Variants in LFNG observed in about 807,000 individuals in gnomAD.
The protein encoded by LFNG is LFNG O-fucosylpeptide 3-beta-N-acetylglucosaminyltransferase.
LFNG carries 15 observed loss-of-function variants against 32.7 expected under a neutral mutation model. That is an observed-to-expected ratio of 0.46 (90% CI 0.31 to 0.71). LFNG has a LOEUF of 0.71. LFNG is among the 30% of genes least tolerant of loss of function. The pLI, the probability that LFNG is intolerant of heterozygous loss-of-function variation, is 0.06. For synonymous variants in LFNG, 274 were observed against 246.8 expected (o/e 1.11, Z -1.03); for missense variants, 520 against 545.7 (o/e 0.95, Z 0.47).
Position 2,528,352 on chromosome 7 carries a change from G to A in LFNG, c.*1140G>A. 2.0e-6 allele frequency: 2 copies of A among 986,228 alleles called. No homozygotes were observed. The highest frequency in any genetic ancestry group is 2.4e-6 in the Non-Finnish European group (2 of 830,068). The allele number at this position is 986,228 out of a possible 1,614,324, so 61.1% of individuals were successfully genotyped here. ...ATAGCTAGGAAAGCGAATGATAAGG[G>A]AAAAGTTCTCAGGGAATTGAAGTGT... On this transcript the variant is annotated 3_prime_UTR_variant, in exon 8 of 8. Coordinates refer to ENST00000222725, the MANE Select transcript of LFNG (RefSeq NM_001040167.2).
At chr7:2,516,599 G>T (rs894463901), upstream of LFNG, among the ~76,000 whole-genome samples, 1 of 152,232 alleles carries the variant, frequency 6.6e-6, no homozygotes, top group African/African-American at 2.4e-5. Flanking sequence ...GCCTGATGGC[G>T]GCTAGAGGAG....
rs994017400 is a variant in LFNG at position 2,526,051 on chromosome 7, C to T, written c.822-193C>T. Reference sequence around the variant, plus strand: ...GCACCCAGATTCCCTCCACAGAGAGCCACGGAGCACAGGAGCTGTGCAGGG... The same window carrying T: ...GCACCCAGATTCCCTCCACAGAGAGTCACGGAGCACAGGAGCTGTGCAGGG... On this transcript the variant is annotated intron_variant, in intron 5 of 7. Coordinates refer to ENST00000222725, the MANE Select transcript of LFNG (RefSeq NM_001040167.2). This position sits in a 1 kb window ranked among gnomAD's most constrained non-coding sequence, Gnocchi z 6.9. Among the ~76,000 whole-genome samples the T allele has an allele frequency of 3.3e-5, 5 of 152,130 alleles. No homozygotes were observed. Among genetic ancestry groups the T allele is most frequent in the South Asian group, 4.1e-4 (2 of 4,832 alleles).
chr7:2,512,587 C>A, exon 1 of LFNG: 1 of 1,432,086 alleles, frequency 7.0e-7, no homozygotes, highest in Non-Finnish European at 9.8e-7. Flanking sequence ...GGACAGAGGC[C>A]AAGGCGGCTC....
At chr7:2,513,054 C>T, upstream of LFNG, 1 of 1,128,282 alleles carries the variant, frequency 8.9e-7, no homozygotes, top group Non-Finnish European at 1.3e-6. Flanking sequence ...TGCCTCCCAG[C>T]CCCAGCCCAC....
Position 2,526,418 on chromosome 7 carries a change from T to C in LFNG, c.987+9T>C, listed in dbSNP as rs771294161. 1.9e-6 allele frequency: 3 copies of C among 1,605,054 alleles called. No individual in the cohort carries two copies. The highest frequency in any genetic ancestry group is 2.5e-6 in the Non-Finnish European group (3 of 1,179,782). The stretch of plus-strand genomic sequence containing the variant: ...CGGAGCTCCACGAGCAGGTGCACCA[T>C]CCTCCGGGCCCCGCCAGGACTCCGA... On this transcript the variant is annotated intron_variant, in intron 6 of 7. Coordinates refer to ENST00000222725, the MANE Select transcript of LFNG (RefSeq NM_001040167.2). This position sits in a 1 kb window ranked among gnomAD's most constrained non-coding sequence, Gnocchi z 6.9.
upstream of LFNG, chr7:2,518,531 C>T (rs1779686794): frequency 8.0e-7 from 1 of 1,242,724 alleles, no homozygotes; most frequent in Middle Eastern, 1.9e-4. Context: ...CCTACTATGT[C>T]CCAAAACCTG....
chr7:2,525,877 T>C, intron 5 of LFNG, 107 bp downstream of exon 5: 1 of 953,714 alleles, frequency 1.0e-6, no homozygotes. Flanking sequence ...GCCTCCTGTG[T>C]GGCACTGCCC....
In LFNG at chr7:2,526,033, G is replaced by C. The variant is rs889902010; in HGVS notation, c.822-211G>C. Among the ~76,000 whole-genome samples the C allele has an allele frequency of 3.9e-5, 6 of 152,042 alleles. No homozygotes were observed. The highest frequency in any genetic ancestry group is 5.9e-5 in the Non-Finnish European group (4 of 67,970). ...CCGGCAGGACTCTTCCCTGCACCCA[G>C]ATTCCCTCCACAGAGAGCCACGGAG... On this transcript the variant is annotated intron_variant, in intron 5 of 7. Coordinates refer to ENST00000222725, the MANE Select transcript of LFNG (RefSeq NM_001040167.2). The surrounding 1 kb of genome is among the most constrained non-coding windows in gnomAD (Gnocchi z 6.9).
At chr7:2,518,392 C>A (rs1779681676), upstream of LFNG, among the ~76,000 whole-genome samples, 1 of 152,200 alleles carries the variant, frequency 6.6e-6, no homozygotes. Context: ...CCCCACACCA[C>A]CCAGCGGGTA....
At chr7:2,521,792 C>A (rs933495791) in intron 1 of LFNG, among the ~76,000 whole-genome samples, 1 of 152,226 alleles carries the variant, frequency 6.6e-6, no homozygotes, top group African/African-American at 2.4e-5. Context: ...CTCAGACCCT[C>A]ACTCTGATCT....
rs1780058846 is a variant in LFNG at position 2,528,283 on chromosome 7, G to A, written c.*1071G>A. On this transcript the variant is annotated 3_prime_UTR_variant, in exon 8 of 8. Transcript: ENST00000222725. ...CCGCTGGGCCCAGCATGGCTCACCT[G>A]TCCCGTGGGCTGTGTTTCTTGTTGT... The A allele has an allele frequency of 1.0e-6, 1 of 986,144 alleles. No homozygotes were observed. Among genetic ancestry groups the A allele is most frequent in the Non-Finnish European group, 1.2e-6 (1 of 830,022 alleles). The allele number at this position is 986,144 out of a possible 1,614,324, so 61.1% of individuals were successfully genotyped here. A position where few individuals can be genotyped will look rare whatever the true frequency, so the allele number is the denominator to read the frequency against.
In LFNG at chr7:2,527,517, G is replaced by C; in HGVS notation, c.*305G>C. ...GGCCACTCCGAGGGCAATTCTGTTA[G>C]GATTTTTGGATCTTTCTACAGCTAC... On this transcript the variant is annotated 3_prime_UTR_variant, in exon 8 of 8. Coordinates refer to ENST00000222725, the MANE Select transcript of LFNG (RefSeq NM_001040167.2). This position sits in a 1 kb window ranked among gnomAD's most constrained non-coding sequence, Gnocchi z 4.4. 1 of 1,333,488 alleles carries C rather than the reference G, an allele frequency of 7.5e-7. No homozygotes were observed. Among genetic ancestry groups the C allele is most frequent in the African/African-American group, 1.5e-5 (1 of 67,560 alleles). 82.6% of individuals were successfully genotyped at this position (1,333,488 alleles called of 1,614,324 possible).
Position 2,527,907 on chromosome 7 carries a change from G to C in LFNG, c.*695G>C. 5 of 988,848 alleles carry C rather than the reference G, an allele frequency of 5.1e-6. No individual in the cohort carries two copies. The South Asian group carries it at 1.8e-4, about 36-fold the overall frequency. 61.3% of individuals were successfully genotyped at this position (988,848 alleles called of 1,614,324 possible). A position where few individuals can be genotyped will look rare whatever the true frequency, so the allele number is the denominator to read the frequency against. Reference sequence around the variant, plus strand: ...CAGAGGTCTTCCCTTTGCCTCCCCAGGACAGGGTGAGTCAGAGCTCAGCAT... The same window carrying C: ...CAGAGGTCTTCCCTTTGCCTCCCCACGACAGGGTGAGTCAGAGCTCAGCAT... On this transcript the variant is annotated 3_prime_UTR_variant, in exon 8 of 8. Coordinates refer to ENST00000222725, the MANE Select transcript of LFNG (RefSeq NM_001040167.2). The surrounding 1 kb of genome is among the most constrained non-coding windows in gnomAD (Gnocchi z 4.4).
intron 2 of LFNG, 30 bp from the exon 3 acceptor site, chr7:2,525,189 A>T (rs1316706186): frequency 6.3e-7 from 1 of 1,596,446 alleles, no homozygotes; most frequent in Non-Finnish European, 8.6e-7. Flanking sequence ...GCCGGCTCAG[A>T]CCTACTCACA....
chr7:2,528,943 G>T, downstream of LFNG: 1 of 503,706 alleles, frequency 2.0e-6, no homozygotes, highest in Non-Finnish European at 3.6e-6. Flanking sequence ...CTGGGGAGGC[G>T]CTCAGACTCC....
intron 1 of LFNG, among the ~76,000 whole-genome samples, chr7:2,521,063 G>T (rs968241177): frequency 1.3e-5 from 2 of 152,198 alleles, no homozygotes; most frequent in Non-Finnish European, 2.9e-5. Flanking sequence ...GCTGGGAGAT[G>T]CAGAGGCATT....
rs1476641005 is a variant in LFNG, at chr7:2,519,844, C to T, written c.-18C>T. The T allele has an allele frequency of 1.9e-6, 2 of 1,078,954 alleles. No individual in the cohort carries two copies. The highest frequency in any genetic ancestry group is 1.1e-6 in the Non-Finnish European group (1 of 891,236). The allele number at this position is 1,078,954 out of a possible 1,614,324, so 66.8% of individuals were successfully genotyped here. A position where few individuals can be genotyped will look rare whatever the true frequency, so the allele number is the denominator to read the frequency against. ...CAGGCGCACGGGGAAGGGCGCGCCG[C>T]GCGGCCGCCACCCCACCATGCTCAA... On this transcript the variant is annotated 5_prime_UTR_variant, in exon 1 of 8. Transcript: ENST00000222725.
chr7:2,526,780 G>A lies in LFNG; in HGVS notation c.988-56G>A, dbSNP rs1779990200. ...ACTCAGGGCTGTGTGGCCAGCCTGGGGCGGGGCCCAGGGATGTCGGGCCCC... is the reference window on the plus strand; with the variant it reads ...ACTCAGGGCTGTGTGGCCAGCCTGGAGCGGGGCCCAGGGATGTCGGGCCCC... On this transcript the variant is annotated intron_variant, in intron 6 of 7. Coordinates refer to ENST00000222725, the MANE Select transcript of LFNG (RefSeq NM_001040167.2). This position sits in a 1 kb window ranked among gnomAD's most constrained non-coding sequence, Gnocchi z 6.9. 1.3e-6 allele frequency: 2 copies of A among 1,553,734 alleles called. No individual in the cohort carries two copies. Among genetic ancestry groups the A allele is most frequent in the Admixed American group, 3.4e-5 (2 of 59,536 alleles).
At chr7:2,525,110 T>A in intron 2 of LFNG, 109 bp from the exon 3 acceptor site, 1 of 999,784 alleles carries the variant, frequency 1.0e-6, no homozygotes, top group Non-Finnish European at 1.5e-6. Context: ...CGGGCCCAGC[T>A]TGAACTAGGG....
Sources: allele counts gnomAD v4.1 joint callset (sites outside exome capture counted in the v4.1 genomes callset), GRCh38; gene constraint gnomAD v4.1.1; non-coding constraint Gnocchi (gnomAD v3.1); transcripts MANE v1.5; gene names NCBI Gene and HGNC (gene_info 2026-07-23, HGNC 2026-07-21).